The following ME3 variants were observed in gnomAD, a reference collection of about 807,000 sequenced individuals.
ME3 encodes the protein NADP-dependent malic enzyme, mitochondrial.
In ME3, 48 loss-of-function variants were observed where a neutral mutation model predicts 68.9. That is an observed-to-expected ratio of 0.70 (90% CI 0.55 to 0.89). The LOEUF is 0.89. Ranked by LOEUF, ME3 falls within the 40% of genes least tolerant of loss-of-function variation. ME3 has a pLI of 0.00. For synonymous variants in ME3, 320 were observed against 318.8 expected, an observed-to-expected ratio of 1.00 and a Z score of -0.04; for missense variants, 675 against 797.4, an observed-to-expected ratio of 0.85 and a Z score of 1.85.
intron 7 of ME3, among the ~76,000 whole-genome samples, chr11:86,486,277 C>T (rs944614495): frequency 6.6e-5 from 10 of 152,210 alleles, no homozygotes; most frequent in Admixed American, 6.5e-4. Flanking sequence ...ATCATTTCCA[C>T]CTTATATAAC....
chr11:86,556,746 A>G (rs1956950624), intron 3 of ME3, 44 bp from the exon 4 acceptor site: 1 of 1,596,994 alleles, frequency 6.3e-7, no homozygotes, highest in Non-Finnish European at 8.6e-7. Flanking sequence ...TGGTAGCAGC[A>G]GGCCCTGATG....
intron 6 of ME3, among the ~76,000 whole-genome samples, chr11:86,496,819 T>A (rs1952365043): frequency 6.6e-6 from 1 of 151,734 alleles, no homozygotes; most frequent in Non-Finnish European, 1.5e-5. Flanking sequence ...ATAATTAAAT[T>A]TGAAAAAGAA....
intron 2 of ME3, among the ~76,000 whole-genome samples, chr11:86,639,163 G>C (rs569409919): frequency 6.6e-6 from 1 of 152,160 alleles, no homozygotes; most frequent in Non-Finnish European, 1.5e-5. Flanking sequence ...CCCCACAAAA[G>C]TTTGCTGTTA....
chr11:86,570,679 T>C (rs1303246388), intron 2 of ME3, among the ~76,000 whole-genome samples: 1 of 152,164 alleles, frequency 6.6e-6, no homozygotes, highest in East Asian at 1.9e-4. Context: ...TGCTGCTCAT[T>C]ACCGCCCAGA....
At chr11:86,547,479 G>A (rs67389098) in intron 4 of ME3, among the ~76,000 whole-genome samples, 16,159 of 150,950 alleles carry the variant, frequency 0.11, 923 homozygotes, top group African/African-American at 0.14. Flanking sequence ...GGGGCCTGTC[G>A]GGCGGGTGGG....
At chr11:86,560,744 G>GTATATATATATA (rs58764893) in intron 2 of ME3, among the ~76,000 whole-genome samples, 3 of 66,918 alleles carry the variant, frequency 4.5e-5, no homozygotes, top group East Asian at 4.5e-4. Flanking sequence ...GTGTGTGTGT[G>GTATATATATATA]TGTGTATATA....
At chr11:86,461,289 G>A (rs1439357738) in intron 8 of ME3, among the ~76,000 whole-genome samples, 4 of 152,150 alleles carry the variant, frequency 2.6e-5, no homozygotes, top group Non-Finnish European at 2.9e-5. Context: ...CATTAGTGAC[G>A]TGGGACAGCT....
chr11:86,672,592 TC>T lies in ME3; in HGVS notation c.-284del, dbSNP rs1395172291. The T allele has an allele frequency of 5.9e-5, 6 of 100,898 alleles. No homozygotes were observed. The highest frequency in any genetic ancestry group is 2.6e-4 in the African/African-American group (6 of 23,008). The allele number at this position is 100,898 out of a possible 1,614,324, so 6.3% of individuals were successfully genotyped here. A position where few individuals can be genotyped will look rare whatever the true frequency, so the allele number is the denominator to read the frequency against. ...GCAGCTCAGAATGCCCGCCTGAGAC[TC>T]TCCATCTTGGCAAGACTAAATGCAC... On this transcript the variant is annotated 5_prime_UTR_variant, in exon 1 of 15. The change abolishes the stop of an existing upstream ORF in the 5' untranslated region. Transcript: ENST00000543262.
intron 2 of ME3, among the ~76,000 whole-genome samples, chr11:86,631,893 C>T (rs1031438963): frequency 6.6e-6 from 1 of 152,062 alleles, no homozygotes; most frequent in Non-Finnish European, 1.5e-5. Context: ...CCATCATGAC[C>T]GGCTAATTTT....
At chr11:86,622,387 T>TAA (rs767078950) in intron 2 of ME3, among the ~76,000 whole-genome samples, 2 of 148,624 alleles carry the variant, frequency 1.3e-5, no homozygotes, top group African/African-American at 4.9e-5. Flanking sequence ...GGGAGGGCAT[T>TAA]AAAAAAAAAA....
At position 86,465,212 on chromosome 11, in the gene ME3, G is replaced by T. The variant is rs1226342567; in HGVS notation, c.810-12C>A. ...AATTTATTCCAAACCTGTGTGGAGG[G>T]AGAGGAAGAAACCCATGATTGCCTC... On this transcript the variant is annotated splice_polypyrimidine_tract_variant and intron_variant, in intron 7 of 14. Coordinates refer to ENST00000543262, the Ensembl canonical transcript of ME3. 4 of 1,587,904 alleles carry T rather than the reference G, an allele frequency of 2.5e-6. No homozygotes were observed. Among genetic ancestry groups the T allele is most frequent in the South Asian group, 2.2e-5 (2 of 90,512 alleles).
chr11:86,664,870 T>C (rs1379592373), intron 2 of ME3, among the ~76,000 whole-genome samples: 1 of 152,254 alleles, frequency 6.6e-6, no homozygotes, highest in Non-Finnish European at 1.5e-5. Flanking sequence ...TGCTTAAAGC[T>C]GGAGATAAAC....
At chr11:86,658,823 G>A (rs998195249) in intron 2 of ME3, among the ~76,000 whole-genome samples, 1 of 152,078 alleles carries the variant, frequency 6.6e-6, no homozygotes, top group Non-Finnish European at 1.5e-5. Context: ...GTGAGAACAG[G>A]GGAAATGTTT....
chr11:86,629,210 G>A (rs1943859708), intron 2 of ME3, among the ~76,000 whole-genome samples: 1 of 152,178 alleles, frequency 6.6e-6, no homozygotes, highest in Admixed American at 6.5e-5. Context: ...CTAGCATCTC[G>A]AGTTCATGTC....
intron 8 of ME3, among the ~76,000 whole-genome samples, chr11:86,454,659 A>G (rs889407635): frequency 3.9e-5 from 6 of 152,276 alleles, no homozygotes; most frequent in African/African-American, 1.4e-4. Flanking sequence ...GTACAAGATC[A>G]TATAACAGAG....
intron 4 of ME3, among the ~76,000 whole-genome samples, chr11:86,526,237 G>A (rs368245871): frequency 4.6e-5 from 7 of 152,188 alleles, no homozygotes; most frequent in Admixed American, 2.0e-4. Context: ...TGCATGGCTC[G>A]GAGGGTCCTA....
chr11:86,638,427 A>G (rs1014112478), intron 2 of ME3, among the ~76,000 whole-genome samples: 6 of 147,100 alleles, frequency 4.1e-5, no homozygotes, highest in African/African-American at 1.5e-4. Context: ...TTCATATACA[A>G]ATGCAAAAAA....
At chr11:86,631,826 G>A (rs539652772) in intron 2 of ME3, among the ~76,000 whole-genome samples, 230 of 152,170 alleles carry the variant, frequency 1.5e-3, no homozygotes, top group African/African-American at 5.2e-3. Flanking sequence ...TCCGCCTCTC[G>A]GGTTCAAGCA....
chr11:86,462,075 G>A (rs1950249329), intron 8 of ME3, among the ~76,000 whole-genome samples: 1 of 152,226 alleles, frequency 6.6e-6, no homozygotes, highest in Non-Finnish European at 1.5e-5. Context: ...AGCTCCATGT[G>A]TCTGCATGTG....
Sources: gnomAD v4.1 joint callset for allele counts (sites outside exome capture counted in the v4.1 genomes callset) on GRCh38, gnomAD v4.1.1 for gene constraint, MANE v1.5 for transcripts, NCBI Gene and HGNC (gene_info 2026-07-23, HGNC 2026-07-21) for gene names.